The following HMOX2 variants were observed in gnomAD, a reference collection of about 807,000 sequenced individuals.
The protein encoded by HMOX2 is heme oxygenase 2.
In HMOX2, 30 loss-of-function variants were observed where a neutral mutation model predicts 33.7. The ratio of observed to expected loss-of-function variants is 0.89; its 90% CI spans 0.67 to 1.21. The LOEUF (loss-of-function observed/expected upper bound fraction) is 1.21. Among genes scored for constraint, HMOX2 ranks in the 50% most tolerant of loss-of-function variants. The pLI is 0.00. For synonymous variants in HMOX2, 155 were observed against 155.0 expected (o/e 1.00, Z 0.00); for missense variants, 403 against 399.1 (o/e 1.01, Z -0.08).
intron 1 of HMOX2, among the ~76,000 whole-genome samples, chr16:4,489,184 C>G (rs1218169449): frequency 1.3e-5 from 2 of 152,178 alleles, no homozygotes; most frequent in Admixed American, 6.6e-5. Flanking sequence ...CAGTTTAAGA[C>G]CAATGTAATG....
At chr16:4,494,474 G>T (rs1162254403) in intron 1 of HMOX2, among the ~76,000 whole-genome samples, 1 of 152,146 alleles carries the variant, frequency 6.6e-6, no homozygotes, top group Non-Finnish European at 1.5e-5. Context: ...TGTACATTTT[G>T]CTAAGTAATC....
upstream of HMOX2, chr16:4,476,170 C>G (rs917604154): frequency 2.0e-5 from 3 of 152,282 alleles, no homozygotes; most frequent in African/African-American, 7.2e-5. Context: ...GTGCTCAACC[C>G]TGAGGCACCC....
chr16:4,486,942 C>T (rs1048607673), intron 1 of HMOX2, among the ~76,000 whole-genome samples: 2 of 152,116 alleles, frequency 1.3e-5, no homozygotes, highest in African/African-American at 4.8e-5. Context: ...TTTGTATTGG[C>T]CATTTGTGTA....
chr16:4,482,907 G>T (rs370428513), intron 1 of HMOX2, among the ~76,000 whole-genome samples: 3 of 152,058 alleles, frequency 2.0e-5, no homozygotes, highest in African/African-American at 7.2e-5. Context: ...GTGCATGCCT[G>T]TAGTCCCAGC....
intron 1 of HMOX2, among the ~76,000 whole-genome samples, chr16:4,491,122 T>C (rs147299282): frequency 6.6e-6 from 1 of 152,316 alleles, no homozygotes; most frequent in Non-Finnish European, 1.5e-5. Flanking sequence ...GGATTGGAGA[T>C]TGGTTGTCAT....
chr16:4,483,488 G>C (rs2058084573), intron 1 of HMOX2: 1 of 152,102 alleles, frequency 6.6e-6, no homozygotes, highest in Non-Finnish European at 1.5e-5. Context: ...GGAGCTCTGT[G>C]TCAGGAACTG....
chr16:4,476,250 G>A (rs1298827082), upstream of HMOX2: 5 of 152,314 alleles, frequency 3.3e-5, no homozygotes, highest in African/African-American at 4.8e-5. Context: ...GCTGAGCAGA[G>A]CCTGAGCCTG....
chr16:4,487,756 C>T (rs1175524878), intron 1 of HMOX2, among the ~76,000 whole-genome samples: 1 of 149,170 alleles, frequency 6.7e-6, no homozygotes, highest in Non-Finnish European at 1.5e-5. Flanking sequence ...GCTGAGAACA[C>T]CAGCCTGGGA....
At chr16:4,496,655 A>C (rs2058429361) in intron 1 of HMOX2, 1 of 152,098 alleles carries the variant, frequency 6.6e-6, no homozygotes, top group Admixed American at 6.6e-5. Flanking sequence ...GTTTAGTCTC[A>C]ACTTGACCAT....
At chr16:4,497,448 ATCT>A (rs2058449680) in intron 1 of HMOX2, among the ~76,000 whole-genome samples, 1 of 152,188 alleles carries the variant, frequency 6.6e-6, no homozygotes, top group Non-Finnish European at 1.5e-5. Flanking sequence ...AAGAATCCTC[ATCT>A]TCTCAGCCCT....
chr16:4,496,560 G>GTC (rs2058426780), intron 1 of HMOX2: 1 of 152,238 alleles, frequency 6.6e-6, no homozygotes, highest in East Asian at 1.9e-4. Context: ...AGTCTGTGGT[G>GTC]ACACTATACT....
chr16:4,507,723 C>A lies in HMOX2; in HGVS notation c.215C>A (p.Thr72Lys). 1 of 1,613,582 alleles carries A rather than the reference C, an allele frequency of 6.2e-7. No homozygotes were observed. Among genetic ancestry groups the A allele is most frequent in the Non-Finnish European group, 8.5e-7 (1 of 1,179,594 alleles). Residue 72 changes from threonine to lysine, a missense_variant, in exon 4 of 6, where the codon ACG becomes AAG. Thr to Lys is a moderately conservative substitution (Grantham distance 78, BLOSUM62 -1). Transcript: ENST00000570646. ...CTGTCACCTCCACAGCTGGCCACCA[C>A]GGCACTTTACTTCACATACTCAGCC... ...IKKELFKLAT[T>K]ALYFTYSALE...
rs2058454399 is a variant in HMOX2 at position 4,497,641 on chromosome 16, C to T, written c.-41-7843C>T. On this transcript the variant is annotated intron_variant, in intron 1 of 5. Coordinates refer to ENST00000570646, the MANE Select transcript of HMOX2 (RefSeq NM_002134.4). ...CTCAGGTTCTGTCCTTGGTGTCTGT[C>T]TTCACTGCTTGCTCAGTTGTATTTG... 3.9e-5 allele frequency among the ~76,000 whole-genome samples: 6 copies of T among 152,182 alleles called. No individual in the cohort carries two copies. The South Asian group carries it at 1.2e-3, about 31-fold the overall frequency.
Position 4,509,767 on chromosome 16 carries a change from A to G in HMOX2, c.*11A>G. ...TGGTACTACATGTGAAGCACCCATC[A>G]TGCCACACCGGTACCCTCCTCCCGA... On this transcript the variant is annotated 3_prime_UTR_variant, in exon 6 of 6. Coordinates refer to ENST00000570646, the MANE Select transcript of HMOX2 (RefSeq NM_002134.4). 6.2e-7 allele frequency: 1 copy of G among 1,610,210 alleles called. No homozygotes were observed. The highest frequency in any genetic ancestry group is 8.5e-7 in the Non-Finnish European group (1 of 1,178,562).
In HMOX2 at chr16:4,509,648, C is replaced by G; in HGVS notation, c.843C>G (p.Ser281Arg). Residue 281 changes from serine (S) to arginine (R), a missense_variant, in exon 6 of 6, where the codon AGC becomes AGG. Physicochemically the swap from Ser to Arg is moderately radical, Grantham distance 110. Coordinates refer to ENST00000570646, the MANE Select transcript of HMOX2 (RefSeq NM_002134.4). ...EQDKGALEGSSCPFRTAMAVL... is the reference protein window; with the variant it reads ...EQDKGALEGSRCPFRTAMAVL... ...ACACAGGTGCCCTGGAGGGCAGCAGCTGTCCCTTCCGAACAGCTATGGCTG... is the reference window on the plus strand; with the variant it reads ...ACACAGGTGCCCTGGAGGGCAGCAGGTGTCCCTTCCGAACAGCTATGGCTG... 12 of 1,613,910 alleles carry G rather than the reference C, an allele frequency of 7.4e-6. No homozygotes were observed. The highest frequency in any genetic ancestry group is 9.3e-6 in the Non-Finnish European group (11 of 1,179,786).
chr16:4,507,904 G>C lies in HMOX2; in HGVS notation c.396G>C (p.Gln132His). The C allele has an allele frequency of 1.2e-6, 2 of 1,614,154 alleles. No homozygotes were observed. Among genetic ancestry groups the C allele is most frequent in the Non-Finnish European group, 8.5e-7 (1 of 1,180,024 alleles). Residue 132 changes from glutamine (Q) to histidine (H), a missense_variant, in exon 4 of 6, where the codon CAG becomes CAC. Physicochemically the swap from Gln to His is conservative, Grantham distance 24. Transcript: ENST00000570646. ...EEQVQCPKAA[Q>H]KYVERIHYIG... ...AGGTGCAGTGCCCCAAGGCTGCCCA[G>C]AAGTACGTGGAGCGGATCCACTACA... is the stretch of plus-strand genomic sequence containing the variant.
chr16:4,483,324 G>T (rs1035831340), intron 1 of HMOX2, among the ~76,000 whole-genome samples: 3 of 151,862 alleles, frequency 2.0e-5, no homozygotes, highest in African/African-American at 7.3e-5. Flanking sequence ...GGTTAAGGGG[G>T]TAGGGCTGAA....
chr16:4,504,927 G>A (rs1163826451), intron 1 of HMOX2, among the ~76,000 whole-genome samples: 4 of 151,660 alleles, frequency 2.6e-5, no homozygotes, highest in African/African-American at 7.3e-5. Context: ...AGTCTGCCTC[G>A]GCCTCCCAAA....
intron 1 of HMOX2, among the ~76,000 whole-genome samples, chr16:4,498,418 A>G (rs2058477029): frequency 6.8e-6 from 1 of 148,082 alleles, no homozygotes; most frequent in African/African-American, 2.5e-5. Context: ...CTCCCTTGCC[A>G]GGCTGGAGTG....
Sources: allele counts gnomAD v4.1 joint callset (sites outside exome capture counted in the v4.1 genomes callset), GRCh38; gene constraint gnomAD v4.1.1; transcripts MANE v1.5; gene names NCBI Gene and HGNC (gene_info 2026-07-23, HGNC 2026-07-21).